The following THSD7A variants were observed in gnomAD, a reference collection of about 807,000 sequenced individuals.
THSD7A encodes thrombospondin type 1 domain containing 7A.
THSD7A carries 96 observed loss-of-function variants against 231.3 expected under a neutral mutation model. The observed-to-expected ratio is 0.41, with a 90% CI of 0.35 to 0.49. The LOEUF (loss-of-function observed/expected upper bound fraction) is 0.49, where lower values mean the gene tolerates loss of function less well. Ranked by LOEUF, THSD7A falls within the 20% of genes least tolerant of loss-of-function variation. The probability of loss-of-function intolerance (pLI) is 0.05; values close to 1 mark genes in which losing one functional copy is unlikely to be tolerated. For missense variants in THSD7A, 2,290 were observed against 2,070.2 expected, an observed-to-expected ratio of 1.11 and a Z score of -2.06; for synonymous variants, 940 against 743.3, an observed-to-expected ratio of 1.26 and a Z score of -4.30.
At position 11,407,303 on chromosome 7, in the gene THSD7A, A is replaced by T; in HGVS notation, c.3916+3T>A. On this transcript the variant is annotated splice_donor_region_variant and intron_variant, in intron 20 of 27. Coordinates refer to ENST00000423059, the MANE Select transcript of THSD7A (RefSeq NM_015204.3). ...CCTAATATAAGTTATGGTACAAACA[A>T]ACCTGTGAGGCCACATGTTTGAGAA... 1 of 1,610,732 alleles carries T rather than the reference A, an allele frequency of 6.2e-7. No homozygotes were observed.
chr7:11,400,857 G>T (rs912798676), intron 23 of THSD7A, among the ~76,000 whole-genome samples: 1 of 152,118 alleles, frequency 6.6e-6, no homozygotes, highest in African/African-American at 2.4e-5. Context: ...AACATCAGCA[G>T]CATTAAGGGT....
intron 1 of THSD7A, among the ~76,000 whole-genome samples, chr7:11,733,349 C>A (rs1004988667): frequency 6.6e-6 from 1 of 151,796 alleles, no homozygotes; most frequent in Non-Finnish European, 1.5e-5. Flanking sequence ...GTCAATACAT[C>A]ATTATGTTGA....
At chr7:11,582,663 G>A (rs1448707033) in intron 4 of THSD7A, among the ~76,000 whole-genome samples, 1 of 152,082 alleles carries the variant, frequency 6.6e-6, no homozygotes, top group Non-Finnish European at 1.5e-5. Context: ...TGAAAGTTAG[G>A]TAGCTGGGTA....
At chr7:11,785,591 TC>T (rs1157425211) in intron 1 of THSD7A, among the ~76,000 whole-genome samples, 1 of 152,176 alleles carries the variant, frequency 6.6e-6, no homozygotes, top group African/African-American at 2.4e-5. Context: ...TTATTGTTAA[TC>T]CTGTCCCTTA....
chr7:11,693,642 A>G (rs1780302123), intron 1 of THSD7A, among the ~76,000 whole-genome samples: 1 of 151,516 alleles, frequency 6.6e-6, no homozygotes. Context: ...ATTCTAGGTT[A>G]GGATTCTTCC....
chr7:11,460,880 T>C (rs1441952512), intron 10 of THSD7A, 115 bp from the exon 11 acceptor site: 2 of 716,096 alleles, frequency 2.8e-6, no homozygotes, highest in South Asian at 1.8e-5. Flanking sequence ...TATTTAGCAA[T>C]GCTCAGTTCT....
chr7:11,724,261 G>A (rs1781468944), intron 1 of THSD7A, among the ~76,000 whole-genome samples: 1 of 151,902 alleles, frequency 6.6e-6, no homozygotes, highest in Non-Finnish European at 1.5e-5. Context: ...TAGTTCTGGA[G>A]CTAAACTATA....
In THSD7A at chr7:11,712,865, G is replaced by C. The variant is rs377378626; in HGVS notation, c.191-75904C>G. Among the ~76,000 whole-genome samples the C allele has an allele frequency of 4.6e-5, 7 of 151,062 alleles. No individual in the cohort carries two copies. In the South Asian group the frequency reaches 1.5e-3, roughly 31 times the overall value. On this transcript the variant is annotated intron_variant, in intron 1 of 27. Transcript: ENST00000423059. Reference sequence around the variant, plus strand: ...TTCTTAAAATGTAAGTCAAAGAAAAGGGTATAATTCATTCCCAGAGCAGAA... The same window carrying C: ...TTCTTAAAATGTAAGTCAAAGAAAACGGTATAATTCATTCCCAGAGCAGAA...
intron 1 of THSD7A, among the ~76,000 whole-genome samples, chr7:11,714,389 T>C (rs1165949258): frequency 6.6e-6 from 1 of 151,196 alleles, no homozygotes; most frequent in Non-Finnish European, 1.5e-5. Context: ...ATGAATCATA[T>C]GTATTTTGTC....
At chr7:11,607,600 A>C (rs916931994) in intron 2 of THSD7A, among the ~76,000 whole-genome samples, 1 of 152,106 alleles carries the variant, frequency 6.6e-6, no homozygotes, top group Non-Finnish European at 1.5e-5. Flanking sequence ...TCTTGAATAC[A>C]AAATTAAATT....
At chr7:11,603,763 T>C (rs556958626) in intron 2 of THSD7A, among the ~76,000 whole-genome samples, 6 of 150,704 alleles carry the variant, frequency 4.0e-5, no homozygotes, top group Admixed American at 3.3e-4. Flanking sequence ...TCATTCTCAG[T>C]AAACTATCGC....
intron 2 of THSD7A, among the ~76,000 whole-genome samples, chr7:11,628,787 A>G (rs1781556681): frequency 6.6e-6 from 1 of 152,194 alleles, no homozygotes; most frequent in African/African-American, 2.4e-5. Flanking sequence ...ACTAACAATG[A>G]CATAGAAGCA....
intron 4 of THSD7A, among the ~76,000 whole-genome samples, chr7:11,568,986 CA>C (rs34929385): frequency 1.3e-4 from 19 of 143,060 alleles, no homozygotes; most frequent in South Asian, 4.3e-4. Flanking sequence ...ACAATAGCTA[CA>C]AAAAAAAAAA....
In THSD7A at chr7:11,504,931, C is replaced by A. The variant is rs549114780; in HGVS notation, c.1823-22949G>T. Reference sequence around the variant, plus strand: ...GGAAATATATTTAAGGTAAACAATCCAAAACACTTTAATAAAAATAATAAC... The same window carrying A: ...GGAAATATATTTAAGGTAAACAATCAAAAACACTTTAATAAAAATAATAAC... On this transcript the variant is annotated intron_variant, in intron 6 of 27. Transcript: ENST00000423059. Among the ~76,000 whole-genome samples the A allele has an allele frequency of 3.3e-5, 5 of 151,716 alleles. 1 individual carries two copies. The highest frequency in any genetic ancestry group is 1.2e-4 in the African/African-American group (5 of 41,370).
chr7:11,605,463 T>C (rs1466322386), intron 2 of THSD7A, among the ~76,000 whole-genome samples: 1 of 152,140 alleles, frequency 6.6e-6, no homozygotes. Context: ...GAGCTGGGGC[T>C]GTGGACCAAC....
intron 6 of THSD7A, among the ~76,000 whole-genome samples, chr7:11,527,648 A>G (rs10240390): frequency 0.099 from 15,113 of 152,170 alleles, 1,989 homozygotes; most frequent in African/African-American, 0.3. Context: ...GGGTTTTGCA[A>G]ATGTTTTCAT....
intron 7 of THSD7A, among the ~76,000 whole-genome samples, chr7:11,480,087 A>T (rs1206869041): frequency 6.6e-6 from 1 of 152,218 alleles, no homozygotes; most frequent in Non-Finnish European, 1.5e-5. Context: ...TTTTGAATTA[A>T]TGCCCTTATG....
chr7:11,692,064 G>A (rs1484532114), intron 1 of THSD7A, among the ~76,000 whole-genome samples: 1 of 151,528 alleles, frequency 6.6e-6, no homozygotes, highest in African/African-American at 2.4e-5. Flanking sequence ...CACCATGTTA[G>A]TGTAAGAGAG....
At chr7:11,569,067 A>C (rs1790509558) in intron 4 of THSD7A, among the ~76,000 whole-genome samples, 1 of 152,072 alleles carries the variant, frequency 6.6e-6, no homozygotes, top group South Asian at 2.1e-4. Context: ...CTTAAACATA[A>C]GACCTGAAAC....
Sources: gnomAD v4.1 joint callset for allele counts (sites outside exome capture counted in the v4.1 genomes callset) on GRCh38, gnomAD v4.1.1 for gene constraint, MANE v1.5 for transcripts, NCBI Gene and HGNC (gene_info 2026-07-23, HGNC 2026-07-21) for gene names.